SYN2: variants seen among roughly 807,000 people sequenced by gnomAD.
SYN2 encodes the protein synapsin II.
In SYN2, 19 loss-of-function variants were observed where a neutral mutation model predicts 50.9. The ratio of observed to expected loss-of-function variants is 0.37; its 90% CI spans 0.26 to 0.55. The LOEUF is 0.55. Among genes scored for constraint, SYN2 ranks in the 20% least tolerant of loss-of-function variants. SYN2 has a pLI of 0.81. For missense variants in SYN2, 587 were observed against 576.4 expected (o/e 1.02, Z -0.19); for synonymous variants, 255 against 224.9 (o/e 1.13, Z -1.20).
At chr3:12,062,065 A>G (rs1015701011) in intron 1 of SYN2, among the ~76,000 whole-genome samples, 1 of 152,060 alleles carries the variant, frequency 6.6e-6, no homozygotes, top group Non-Finnish European at 1.5e-5. Context: ...AATAGCCGAC[A>G]TAATACTGAA....
intron 1 of SYN2, among the ~76,000 whole-genome samples, chr3:12,055,566 A>G (rs1026733104): frequency 6.6e-6 from 1 of 152,316 alleles, no homozygotes; most frequent in Middle Eastern, 3.4e-3. Flanking sequence ...GAGAAATTAT[A>G]TATTTGCAGT....
intron 7 of SYN2, among the ~76,000 whole-genome samples, chr3:12,163,011 C>T (rs182327056): frequency 2.2e-4 from 34 of 152,112 alleles, no homozygotes; most frequent in South Asian, 6.2e-4. Flanking sequence ...GAGGCCGAGG[C>T]GGGCGGATCA....
intron 3 of SYN2, among the ~76,000 whole-genome samples, chr3:12,142,452 T>C (rs1045412481): frequency 6.6e-5 from 10 of 152,264 alleles, no homozygotes; most frequent in African/African-American, 2.4e-4. Context: ...CCCTGTCTTC[T>C]ATGTGAGATC....
At chr3:12,109,162 A>G (rs1392017524) in intron 1 of SYN2, among the ~76,000 whole-genome samples, 2 of 152,214 alleles carry the variant, frequency 1.3e-5, no homozygotes, top group South Asian at 2.1e-4. Flanking sequence ...GCCTGGGGAC[A>G]TGGAGAGGTG....
chr3:12,146,288 G>A (rs1013184099), intron 4 of SYN2, among the ~76,000 whole-genome samples: 2 of 152,248 alleles, frequency 1.3e-5, no homozygotes, highest in African/African-American at 4.8e-5. Context: ...GGTAGTGACA[G>A]AGTCCTACCA....
intron 1 of SYN2, among the ~76,000 whole-genome samples, chr3:12,125,141 A>G (rs980611658): frequency 6.6e-6 from 1 of 152,024 alleles, no homozygotes; most frequent in Non-Finnish European, 1.5e-5. Context: ...CAGCCTCCCA[A>G]GTAGCTGGGA....
Position 12,049,181 on chromosome 3 carries a change from A to G in SYN2, c.377+44253A>G, listed in dbSNP as rs181377446. Among the ~76,000 whole-genome samples, 529 of 152,172 alleles carry G rather than the reference A, an allele frequency of 3.5e-3. 2 individuals are homozygous for G. The highest frequency in any genetic ancestry group is 0.012 in the African/African-American group (501 of 41,504). ...TTACTAGTTTAGCATAACTTTGGGA[A>G]AGTTAACATTGGGCCCAAAAGAGCA... is the stretch of plus-strand genomic sequence containing the variant. On this transcript the variant is annotated intron_variant, in intron 1 of 12. Transcript: ENST00000621198.
intron 1 of SYN2, among the ~76,000 whole-genome samples, chr3:12,068,684 G>GT (rs143857461): frequency 3.3e-5 from 5 of 150,958 alleles, no homozygotes; most frequent in South Asian, 2.1e-4. Context: ...TCATTTCTGA[G>GT]TTTTTTTTTC....
intron 1 of SYN2, among the ~76,000 whole-genome samples, chr3:12,092,483 C>T (rs1278199955): frequency 6.6e-6 from 1 of 152,056 alleles, no homozygotes; most frequent in South Asian, 2.1e-4. Flanking sequence ...GTTAGTTTAC[C>T]TGGAGGGGTC....
intron 1 of SYN2, among the ~76,000 whole-genome samples, chr3:12,020,882 T>A (rs571886334): frequency 6.6e-6 from 1 of 152,318 alleles, no homozygotes; most frequent in South Asian, 2.1e-4. Flanking sequence ...TGTAATAAAG[T>A]ATGATTTATT....
intron 1 of SYN2, among the ~76,000 whole-genome samples, chr3:12,048,033 A>G (rs551497924): frequency 5.9e-5 from 9 of 152,344 alleles, no homozygotes; most frequent in African/African-American, 2.2e-4. Flanking sequence ...TCTGACTTAC[A>G]GATAAAATGC....
intron 1 of SYN2, among the ~76,000 whole-genome samples, chr3:12,042,253 C>A (rs968765056): frequency 3.9e-5 from 6 of 152,162 alleles, no homozygotes; most frequent in African/African-American, 1.2e-4. Flanking sequence ...AATGCTCTCA[C>A]ATTTATTATA....
intron 1 of SYN2, among the ~76,000 whole-genome samples, chr3:12,044,199 A>ACC (rs1559397096): frequency 5.3e-5 from 8 of 149,906 alleles, no homozygotes; most frequent in Non-Finnish European, 1.0e-4. Flanking sequence ...ACACACACAC[A>ACC]CACACACACA....
chr3:12,059,991 T>C (rs1695079118), intron 1 of SYN2, among the ~76,000 whole-genome samples: 1 of 152,182 alleles, frequency 6.6e-6, no homozygotes, highest in African/African-American at 2.4e-5. Flanking sequence ...TTTTCTTGCA[T>C]CTATCAGAGA....
chr3:12,033,464 C>G (rs1198079704), intron 1 of SYN2, among the ~76,000 whole-genome samples: 1 of 152,060 alleles, frequency 6.6e-6, no homozygotes, highest in Non-Finnish European at 1.5e-5. Context: ...GTGAGGCAGA[C>G]TAGGGTACGA....
At chr3:12,144,001 G>A (rs1697087754) in intron 3 of SYN2, among the ~76,000 whole-genome samples, 1 of 152,242 alleles carries the variant, frequency 6.6e-6, no homozygotes, top group Non-Finnish European at 1.5e-5. Flanking sequence ...GGGGCTGGAG[G>A]TGGTGGGCGG....
At chr3:12,027,657 T>C (rs1318275224) in intron 1 of SYN2, among the ~76,000 whole-genome samples, 1 of 152,220 alleles carries the variant, frequency 6.6e-6, no homozygotes, top group African/African-American at 2.4e-5. Flanking sequence ...CAAAGAGATA[T>C]TATCTCCGTT....
chr3:12,190,215 C>T (rs993843337), intron 12 of SYN2, among the ~76,000 whole-genome samples: 1 of 152,178 alleles, frequency 6.6e-6, no homozygotes, highest in African/African-American at 2.4e-5. Context: ...GCCTTTGAGT[C>T]GCCTCTTCCT....
chr3:12,171,771 C>T (rs1023203543), intron 10 of SYN2, among the ~76,000 whole-genome samples: 3 of 152,198 alleles, frequency 2.0e-5, no homozygotes, highest in African/African-American at 7.2e-5. Context: ...CACACTAAGA[C>T]ACTTTTAGCA....
Sources: gnomAD v4.1 joint callset for allele counts (sites outside exome capture counted in the v4.1 genomes callset) on GRCh38, gnomAD v4.1.1 for gene constraint, MANE v1.5 for transcripts, NCBI Gene and HGNC (gene_info 2026-07-23, HGNC 2026-07-21) for gene names.